Variants in MACROD2 observed in about 807,000 individuals in gnomAD.
MACROD2 encodes mono-ADP ribosylhydrolase 2.
MACROD2 carries 36 observed loss-of-function variants against 70.4 expected under a neutral mutation model. The ratio of observed to expected loss-of-function variants is 0.51; its 90% CI spans 0.39 to 0.68. MACROD2 has a LOEUF of 0.68. MACROD2 is among the 30% of genes least tolerant of loss of function. The pLI, the probability that MACROD2 is intolerant of heterozygous loss-of-function variation, is 0.00. For missense variants in MACROD2, 496 were observed against 538.4 expected (o/e 0.92, Z 0.78); for synonymous variants, 172 against 178.8 (o/e 0.96, Z 0.30).
intron 3 of MACROD2, among the ~76,000 whole-genome samples, chr20:14,215,458 C>T (rs1251268961): frequency 6.6e-6 from 1 of 151,572 alleles, no homozygotes; most frequent in Non-Finnish European, 1.5e-5. Context: ...AATTGTGCTG[C>T]TATAAACATA....
intron 8 of MACROD2, among the ~76,000 whole-genome samples, chr20:15,506,657 AAAGGGGGTTT>A (rs1225516481): frequency 6.6e-6 from 1 of 152,242 alleles, no homozygotes; most frequent in African/African-American, 2.4e-5. Context: ...TGATTCTTAA[AAAGGGGGTTT>A]AAATGAAACA....
intron 3 of MACROD2, among the ~76,000 whole-genome samples, chr20:14,140,851 C>T (rs183473589): frequency 3.4e-4 from 52 of 152,172 alleles, no homozygotes; most frequent in African/African-American, 1.2e-3. Context: ...GCTCCTGTAC[C>T]CTATCTAGCC....
intron 8 of MACROD2, among the ~76,000 whole-genome samples, chr20:15,555,828 C>CAAAA (rs397838341): frequency 6.2e-3 from 112 of 17,956 alleles, no homozygotes; most frequent in Admixed American, 0.01. Flanking sequence ...GACTCCATCT[C>CAAAA]AAAAAAAAAA....
chr20:15,678,045 C>G (rs1474168864), intron 8 of MACROD2, among the ~76,000 whole-genome samples: 1 of 147,974 alleles, frequency 6.8e-6, no homozygotes, highest in Admixed American at 6.7e-5. Context: ...AGCCTGGCAA[C>G]AGAACCAGAC....
intron 6 of MACROD2, among the ~76,000 whole-genome samples, chr20:15,380,380 A>G (rs1768678261): frequency 6.6e-6 from 1 of 152,006 alleles, no homozygotes; most frequent in Admixed American, 6.6e-5. Context: ...CAAAGAGGAA[A>G]TAAAAGAATC....
chr20:15,190,048 T>C (rs1407824593), intron 5 of MACROD2, among the ~76,000 whole-genome samples: 1 of 152,196 alleles, frequency 6.6e-6, no homozygotes, highest in East Asian at 1.9e-4. Flanking sequence ...CTTCTTTCTC[T>C]TCAACTTGTT....
intron 5 of MACROD2, among the ~76,000 whole-genome samples, chr20:15,086,918 A>G (rs759035998): frequency 6.6e-6 from 1 of 152,162 alleles, no homozygotes; most frequent in South Asian, 2.1e-4. Flanking sequence ...AAGATTAGCA[A>G]TGATGGTCCT....
At chr20:14,503,949 T>C (rs1377481582) in intron 4 of MACROD2, among the ~76,000 whole-genome samples, 2 of 152,260 alleles carry the variant, frequency 1.3e-5, no homozygotes, top group Non-Finnish European at 2.9e-5. Context: ...AAAGCCTTGC[T>C]CTGTCATTAG....
intron 8 of MACROD2, among the ~76,000 whole-genome samples, chr20:15,666,980 C>A (rs1440121794): frequency 2.0e-5 from 3 of 152,120 alleles, no homozygotes; most frequent in African/African-American, 7.2e-5. Flanking sequence ...TTGAAATTTG[C>A]TGTATTTTTG....
chr20:14,175,172 T>C (rs1359305811), intron 3 of MACROD2, among the ~76,000 whole-genome samples: 4 of 152,362 alleles, frequency 2.6e-5, no homozygotes, highest in Non-Finnish European at 4.4e-5. Context: ...TCTGTCCATC[T>C]GAGTGGGAGC....
In MACROD2 at chr20:13,995,665, T is replaced by G. The variant is rs1040220161; in HGVS notation, c.-99T>G. ...CGCAGAGCCTCTTTCACTTTTTCCC[T>G]GCTGAGTGCCCCCTCCCACCCCTCC... On this transcript the variant is annotated 5_prime_UTR_variant, in exon 1 of 18. Coordinates refer to ENST00000684519, the MANE Select transcript of MACROD2 (RefSeq NM_001351661.2). The surrounding 1 kb of genome is among the most constrained non-coding windows in gnomAD (Gnocchi z 4.3). The G allele has an allele frequency of 4.0e-6, 4 of 1,005,506 alleles. No individual in the cohort carries two copies. The East Asian group carries it at 9.6e-5, about 24-fold the overall frequency. 62.3% of individuals were successfully genotyped at this position (1,005,506 alleles called of 1,614,324 possible). A position where few individuals can be genotyped will look rare whatever the true frequency, so the allele number is the denominator to read the frequency against.
At chr20:15,035,577 T>G (rs769294912) in intron 5 of MACROD2, among the ~76,000 whole-genome samples, 5 of 152,124 alleles carry the variant, frequency 3.3e-5, no homozygotes, top group Non-Finnish European at 7.4e-5. Context: ...GGAAAAGCAA[T>G]CAGTGCCATT....
intron 3 of MACROD2, among the ~76,000 whole-genome samples, chr20:14,464,042 G>A (rs1487055859): frequency 6.6e-5 from 10 of 152,098 alleles, no homozygotes; most frequent in African/African-American, 2.4e-4. Flanking sequence ...GATGATGCTG[G>A]CCTCATAAAT....
intron 3 of MACROD2, among the ~76,000 whole-genome samples, chr20:14,417,926 AAATT>A (rs2083829736): frequency 6.6e-6 from 1 of 152,242 alleles, no homozygotes; most frequent in South Asian, 2.1e-4. Context: ...TGGATTTTAG[AAATT>A]ATAATAACAC....
chr20:14,596,849 G>C (rs1171030711), intron 4 of MACROD2, among the ~76,000 whole-genome samples: 1 of 152,134 alleles, frequency 6.6e-6, no homozygotes, highest in Non-Finnish European at 1.5e-5. Flanking sequence ...AAGTATGTTT[G>C]TACATGGGGT....
intron 5 of MACROD2, among the ~76,000 whole-genome samples, chr20:14,780,937 TTTTA>T (rs1459587101): frequency 6.6e-6 from 1 of 152,156 alleles, no homozygotes; most frequent in African/African-American, 2.4e-5. Flanking sequence ...CAAATAGTAA[TTTTA>T]TTTAAGGGGC....
At chr20:14,151,213 T>G (rs2055015687) in intron 3 of MACROD2, among the ~76,000 whole-genome samples, 1 of 152,302 alleles carries the variant, frequency 6.6e-6, no homozygotes, top group Non-Finnish European at 1.5e-5. Flanking sequence ...ATTATGCACT[T>G]AAAGGGCATA....
intron 5 of MACROD2, among the ~76,000 whole-genome samples, chr20:14,695,603 T>C (rs976168663): frequency 1.3e-5 from 2 of 152,164 alleles, no homozygotes; most frequent in Non-Finnish European, 1.5e-5. Context: ...GCTACCATGT[T>C]GTGAGGGAAC....
chr20:14,520,724 C>T (rs1361460610), intron 4 of MACROD2, among the ~76,000 whole-genome samples: 2 of 152,148 alleles, frequency 1.3e-5, no homozygotes, highest in African/African-American at 4.8e-5. Flanking sequence ...GCTGACTCTT[C>T]CCTCTTTTGC....
Sources: allele counts gnomAD v4.1 joint callset (sites outside exome capture counted in the v4.1 genomes callset), GRCh38; gene constraint gnomAD v4.1.1; non-coding constraint Gnocchi (gnomAD v3.1); transcripts MANE v1.5; gene names NCBI Gene and HGNC (gene_info 2026-07-23, HGNC 2026-07-21).